The following MAGI3 variants were observed in gnomAD, a reference collection of about 807,000 sequenced individuals.
MAGI3 encodes the protein membrane-associated guanylate kinase, WW and PDZ domain-containing protein 3.
A neutral mutation model predicts 121.8 loss-of-function variants in MAGI3; 43 were observed. The observed-to-expected ratio is 0.35, with a 90% CI of 0.28 to 0.46. MAGI3 has a LOEUF of 0.46. Among genes scored for constraint, MAGI3 ranks in the 20% least tolerant of loss-of-function variants. The pLI is 1.00. For synonymous variants in MAGI3, 553 were observed against 639.3 expected (o/e 0.86, Z 2.04); for missense variants, 1,547 against 1,797.3 (o/e 0.86, Z 2.52).
At chr1:113,531,623 T>C (rs1423782221) in intron 1 of MAGI3, among the ~76,000 whole-genome samples, 2 of 151,850 alleles carry the variant, frequency 1.3e-5, no homozygotes, top group Non-Finnish European at 2.9e-5. Context: ...TGCATTTCTT[T>C]TTCTATAAAA....
intron 1 of MAGI3, among the ~76,000 whole-genome samples, chr1:113,394,567 C>G (rs1198272607): frequency 6.6e-6 from 1 of 152,128 alleles, no homozygotes; most frequent in African/African-American, 2.4e-5. Flanking sequence ...TAAACCATTT[C>G]TATTCTGATT....
intron 1 of MAGI3, among the ~76,000 whole-genome samples, chr1:113,462,563 G>A (rs993437947): frequency 1.3e-5 from 2 of 152,108 alleles, no homozygotes; most frequent in Non-Finnish European, 1.5e-5. Context: ...GATGGGGAGG[G>A]TGAAAGGAGC....
rs529015667 is a variant in MAGI3 at position 113,449,391 on chromosome 1, CAGAG to C, written c.316+58049_316+58052del. On this transcript the variant is annotated intron_variant, in intron 1 of 20. Transcript: ENST00000307546. The stretch of plus-strand genomic sequence containing the variant: ...TGTGTGTGTGTGTGTGTGTGTGTGA[CAGAG>C]AGAGAGGCTTCAATCCTTAAATCAT... Among the ~76,000 whole-genome samples, 111 of 99,632 alleles carry C rather than the reference CAGAG, an allele frequency of 1.1e-3. 2 individuals carry two copies. In the East Asian group the frequency reaches 0.051, roughly 46 times the overall value. The allele number at this position is 99,632 out of a possible 152,430, so 65.4% of individuals were successfully genotyped here.
At chr1:113,432,521 T>G (rs1653351843) in intron 1 of MAGI3, among the ~76,000 whole-genome samples, 1 of 152,158 alleles carries the variant, frequency 6.6e-6, no homozygotes, top group Non-Finnish European at 1.5e-5. Flanking sequence ...AGGGAAGGGT[T>G]GTTTTTAAAT....
chr1:113,607,701 T>A (rs1243334227), intron 6 of MAGI3, among the ~76,000 whole-genome samples: 1 of 152,192 alleles, frequency 6.6e-6, no homozygotes, highest in African/African-American at 2.4e-5. Context: ...GATTTTTTAC[T>A]AAAAAGGCTA....
At chr1:113,511,379 G>T (rs968559214) in intron 1 of MAGI3, among the ~76,000 whole-genome samples, 10 of 152,204 alleles carry the variant, frequency 6.6e-5, no homozygotes, top group African/African-American at 2.2e-4. Context: ...AGTTAGGAAA[G>T]AATGAAAAGA....
chr1:113,516,390 C>CAAAAAA (rs60186333), intron 1 of MAGI3, among the ~76,000 whole-genome samples: 9 of 70,998 alleles, frequency 1.3e-4, no homozygotes, highest in Admixed American at 1.9e-4. Context: ...GAAGTTCTCA[C>CAAAAAA]AAAAAAAAAA....
intron 2 of MAGI3, among the ~76,000 whole-genome samples, chr1:113,566,451 C>G (rs180754840): frequency 1.3e-5 from 2 of 152,124 alleles, no homozygotes; most frequent in Admixed American, 1.3e-4. Context: ...AATACAAGAC[C>G]AAATGGACCT....
intron 1 of MAGI3, among the ~76,000 whole-genome samples, chr1:113,507,852 G>T (rs1450676907): frequency 6.6e-6 from 1 of 152,116 alleles, no homozygotes; most frequent in Non-Finnish European, 1.5e-5. Context: ...ATCACTGACT[G>T]CCCCAGATTA....
intron 9 of MAGI3, among the ~76,000 whole-genome samples, chr1:113,630,306 T>A (rs1334537641): frequency 6.6e-5 from 10 of 152,084 alleles, no homozygotes; most frequent in Admixed American, 6.5e-4. Flanking sequence ...GGCTCTTCAG[T>A]CAGCTTGTGA....
intron 9 of MAGI3, among the ~76,000 whole-genome samples, chr1:113,640,363 A>G (rs1340137979): frequency 6.6e-6 from 1 of 152,224 alleles, no homozygotes; most frequent in Non-Finnish European, 1.5e-5. Context: ...CATTTGATCC[A>G]GCAATCCCAT....
intron 16 of MAGI3, among the ~76,000 whole-genome samples, chr1:113,660,643 C>G (rs779655337): frequency 1.7e-4 from 24 of 145,232 alleles, no homozygotes; most frequent in Non-Finnish European, 2.2e-4. Flanking sequence ...GAGACAGGGT[C>G]TCACTCTGTT....
chr1:113,406,878 C>A (rs1422449554), intron 1 of MAGI3, among the ~76,000 whole-genome samples: 1 of 152,166 alleles, frequency 6.6e-6, no homozygotes, highest in Non-Finnish European at 1.5e-5. Flanking sequence ...GGGAAAGCAT[C>A]CCTGAGGAGG....
chr1:113,519,686 A>G (rs914339380), intron 1 of MAGI3, among the ~76,000 whole-genome samples: 2 of 152,196 alleles, frequency 1.3e-5, no homozygotes, highest in Admixed American at 1.3e-4. Flanking sequence ...CTCCTCCAGT[A>G]TTGAGTTGTG....
intron 1 of MAGI3, among the ~76,000 whole-genome samples, chr1:113,493,039 A>G (rs558126375): frequency 2.0e-5 from 3 of 152,220 alleles, no homozygotes; most frequent in African/African-American, 7.2e-5. Context: ...AGAAAAAACT[A>G]TTTTAAAATT....
intron 1 of MAGI3, among the ~76,000 whole-genome samples, chr1:113,424,953 G>A (rs919637921): frequency 2.0e-5 from 3 of 152,040 alleles, no homozygotes; most frequent in African/African-American, 7.2e-5. Flanking sequence ...GACCAACATG[G>A]TGAAACCCCG....
chr1:113,547,445 G>A lies in MAGI3; in HGVS notation c.317-2070G>A, dbSNP rs374008074. Among the ~76,000 whole-genome samples, 44 of 152,234 alleles carry A rather than the reference G, an allele frequency of 2.9e-4. No individual in the cohort carries two copies. In the South Asian group the frequency reaches 8.9e-3, roughly 31 times the overall value. On this transcript the variant is annotated intron_variant, in intron 1 of 20. Coordinates refer to ENST00000307546, the MANE Select transcript of MAGI3 (RefSeq NM_001142782.2). Reference sequence around the variant, plus strand: ...ATTTAGATGTCGGAGCCTACATTATGTTGTTTTTAAGTGGGGGAAAAAACA... The same window carrying A: ...ATTTAGATGTCGGAGCCTACATTATATTGTTTTTAAGTGGGGGAAAAAACA...
At chr1:113,679,655 C>T (rs1470010130) in intron 19 of MAGI3, among the ~76,000 whole-genome samples, 1 of 151,786 alleles carries the variant, frequency 6.6e-6, no homozygotes, top group Admixed American at 6.6e-5. Flanking sequence ...CACAATGGTA[C>T]TAAGGTATAT....
intron 19 of MAGI3, among the ~76,000 whole-genome samples, chr1:113,679,032 A>G (rs1334738523): frequency 6.6e-6 from 1 of 152,206 alleles, no homozygotes; most frequent in Non-Finnish European, 1.5e-5. Context: ...GTAATATGCC[A>G]TTGTCTAATT....
Sources: gnomAD v4.1 joint callset for allele counts (sites outside exome capture counted in the v4.1 genomes callset) on GRCh38, gnomAD v4.1.1 for gene constraint, MANE v1.5 for transcripts, NCBI Gene and HGNC (gene_info 2026-07-23, HGNC 2026-07-21) for gene names.